The following OTOGL variants were observed in gnomAD, a reference collection of about 807,000 sequenced individuals.
OTOGL encodes the protein otogelin-like protein.
In OTOGL, 285 loss-of-function variants were observed where a neutral mutation model predicts 318.5. That is an observed-to-expected ratio of 0.89 (90% confidence interval 0.81 to 0.99). OTOGL has a LOEUF of 0.99. Ranked by LOEUF, OTOGL falls within the 50% of genes least tolerant of loss-of-function variation. The pLI is 0.00. For missense variants in OTOGL, 2,899 were observed against 2,845.6 expected, an observed-to-expected ratio of 1.02 and a Z score of -0.43; for synonymous variants, 987 against 936.5, an observed-to-expected ratio of 1.05 and a Z score of -0.99.
At chr12:80,313,091 G>A (rs188015659) in intron 30 of OTOGL, among the ~76,000 whole-genome samples, 7 of 152,064 alleles carry the variant, frequency 4.6e-5, no homozygotes, top group South Asian at 2.1e-4. Context: ...ATGAGCAGGG[G>A]CAAAAAAGAA....
At chr12:80,123,955 T>C (rs1235544487) in intron 1 of OTOGL, among the ~76,000 whole-genome samples, 1 of 152,116 alleles carries the variant, frequency 6.6e-6, no homozygotes, top group African/African-American at 2.4e-5. Context: ...GTCAGATGAG[T>C]AGATTGCAAA....
intron 21 of OTOGL, 51 bp downstream of exon 21, chr12:80,266,667 C>G: frequency 6.6e-7 from 1 of 1,523,580 alleles, no homozygotes; most frequent in African/African-American, 1.4e-5. Context: ...TCTTTTTCTC[C>G]TTACGGGCTA....
At chr12:80,276,448 T>C (rs1298913696) in intron 24 of OTOGL, among the ~76,000 whole-genome samples, 2 of 151,802 alleles carry the variant, frequency 1.3e-5, no homozygotes, top group Non-Finnish European at 2.9e-5. Context: ...TTATAGTTAT[T>C]GTCACTATAA....
At chr12:80,352,171 C>T (rs1379477965) in intron 44 of OTOGL, 124 bp from the exon 45 acceptor site, 1 of 861,192 alleles carries the variant, frequency 1.2e-6, no homozygotes, top group African/African-American at 1.7e-5. Context: ...AATGTAAAGT[C>T]TATGATGAAG....
intron 1 of OTOGL, among the ~76,000 whole-genome samples, chr12:80,206,624 C>G (rs1876828974): frequency 6.6e-6 from 1 of 152,086 alleles, no homozygotes; most frequent in South Asian, 2.1e-4. Flanking sequence ...ATCCTTCCAC[C>G]TCAGCCTCCA....
chr12:80,340,102 G>T (rs1054701562), intron 43 of OTOGL, among the ~76,000 whole-genome samples: 2 of 152,054 alleles, frequency 1.3e-5, no homozygotes, highest in Non-Finnish European at 2.9e-5. Context: ...ATAAATGTTG[G>T]TTTAGTACAA....
intron 52 of OTOGL, among the ~76,000 whole-genome samples, chr12:80,359,799 A>T (rs1218282482): frequency 6.6e-6 from 1 of 152,236 alleles, no homozygotes; most frequent in Non-Finnish European, 1.5e-5. Context: ...CTGTATATAC[A>T]TCTACACAAG....
rs367967235 is a variant in OTOGL at position 80,302,795 on chromosome 12, T to G, written c.3213+12T>G. Reference sequence around the variant, plus strand: ...GGCCACAGTGGAAGGTAGGTCAACCTAAGCTCCAAATGAGATGTAATGAAT... The same window carrying G: ...GGCCACAGTGGAAGGTAGGTCAACCGAAGCTCCAAATGAGATGTAATGAAT... On this transcript the variant is annotated intron_variant, in intron 28 of 58. Coordinates refer to ENST00000547103, the MANE Select transcript of OTOGL (RefSeq NM_001378609.3). 1 of 1,456,184 alleles carries G rather than the reference T, an allele frequency of 6.9e-7. No homozygotes were observed. Among genetic ancestry groups the G allele is most frequent in the Non-Finnish European group, 9.0e-7 (1 of 1,105,986 alleles). 90.2% of individuals were successfully genotyped at this position (1,456,184 alleles called of 1,614,324 possible).
intron 27 of OTOGL, among the ~76,000 whole-genome samples, chr12:80,298,495 A>T (rs2137718822): frequency 6.6e-6 from 1 of 152,292 alleles, no homozygotes; most frequent in Middle Eastern, 3.4e-3. Flanking sequence ...ATATAAATTA[A>T]TGGATTTGAA....
At chr12:80,168,273 C>T (rs1056282017) in intron 1 of OTOGL, among the ~76,000 whole-genome samples, 1 of 152,034 alleles carries the variant, frequency 6.6e-6, no homozygotes, top group African/African-American at 2.4e-5. Context: ...GAGAAAGTTC[C>T]TCCACTACAA....
chr12:80,272,177 C>T (rs922442797), intron 24 of OTOGL, among the ~76,000 whole-genome samples: 1 of 152,042 alleles, frequency 6.6e-6, no homozygotes, highest in Non-Finnish European at 1.5e-5. Flanking sequence ...AATAGTGATG[C>T]CAACTGTTTT....
intron 49 of OTOGL, among the ~76,000 whole-genome samples, chr12:80,357,978 G>C (rs1890012771): frequency 6.6e-6 from 1 of 152,120 alleles, no homozygotes; most frequent in African/African-American, 2.4e-5. Context: ...GTGACATTTT[G>C]ATTCTAATGA....
intron 1 of OTOGL, among the ~76,000 whole-genome samples, chr12:80,192,236 C>T (rs1565894575): frequency 6.6e-6 from 1 of 152,216 alleles, no homozygotes; most frequent in Non-Finnish European, 1.5e-5. Flanking sequence ...GCAGTTGTTT[C>T]TGTTCTCATA....
intron 1 of OTOGL, among the ~76,000 whole-genome samples, chr12:80,107,250 T>TACCA (rs1869508661): frequency 6.6e-6 from 1 of 151,916 alleles, no homozygotes; most frequent in South Asian, 2.1e-4. Context: ...GCAACCCCAT[T>TACCA]AAAAGGTGGG....
intron 1 of OTOGL, among the ~76,000 whole-genome samples, chr12:80,124,026 G>A (rs1870652840): frequency 6.6e-6 from 1 of 152,170 alleles, no homozygotes; most frequent in African/African-American, 2.4e-5. Flanking sequence ...TCGCTGTGCA[G>A]AAGCTATTTC....
chr12:80,256,478 T>C lies in OTOGL; in HGVS notation c.1711+18T>C, dbSNP rs1401300409. On this transcript the variant is annotated intron_variant, in intron 17 of 58. Transcript: ENST00000547103. ...CCTGAATGGTAAGAAACAGTGCTAA[T>C]GGTGTACTTTCTTTACATCAAACAA... is the stretch of plus-strand genomic sequence containing the variant. The C allele has an allele frequency of 6.4e-7, 1 of 1,553,668 alleles. No individual in the cohort carries two copies. The highest frequency in any genetic ancestry group is 1.4e-5 in the African/African-American group (1 of 71,154).
chr12:80,277,470 AAT>A (rs1235303226), intron 24 of OTOGL, among the ~76,000 whole-genome samples: 1 of 66,698 alleles, frequency 1.5e-5, no homozygotes, highest in African/African-American at 3.7e-5. Context: ...CTTTATACTT[AAT>A]TATATATATT....
chr12:80,185,571 G>A (rs932002500), intron 1 of OTOGL, among the ~76,000 whole-genome samples: 6 of 152,334 alleles, frequency 3.9e-5, no homozygotes, highest in Admixed American at 6.5e-5. Context: ...TTACAGGTGT[G>A]AGCCACTGCA....
chr12:80,275,655 CT>C (rs1256748233), intron 24 of OTOGL, among the ~76,000 whole-genome samples: 1 of 151,760 alleles, frequency 6.6e-6, no homozygotes, highest in African/African-American at 2.4e-5. Context: ...ACAGAGAAAT[CT>C]TTTGTGAAAG....
Sources: allele counts gnomAD v4.1 joint callset (sites outside exome capture counted in the v4.1 genomes callset), GRCh38; gene constraint gnomAD v4.1.1; transcripts MANE v1.5; gene names NCBI Gene and HGNC (gene_info 2026-07-23, HGNC 2026-07-21).